Variants in LRRTM4 observed in about 807,000 individuals in gnomAD.
The protein encoded by LRRTM4 is leucine rich repeat transmembrane neuronal 4.
In LRRTM4, 25 loss-of-function variants were observed where a neutral mutation model predicts 47.6. The ratio of observed to expected loss-of-function variants is 0.53; its 90% confidence interval spans 0.38 to 0.73. LRRTM4 has a LOEUF of 0.73. LRRTM4 is among the 30% of genes least tolerant of loss of function. The pLI is 0.00. For missense variants in LRRTM4, 638 were observed against 713.4 expected (o/e 0.89, Z 1.20); for synonymous variants, 311 against 269.5 (o/e 1.15, Z -1.51).
chr2:77,348,811 GA>G (rs1319908351), intron 3 of LRRTM4, among the ~76,000 whole-genome samples: 6 of 150,252 alleles, frequency 4.0e-5, no homozygotes, highest in African/African-American at 1.5e-4. Flanking sequence ...TATTCAAGCA[GA>G]ACTCATTATT....
In LRRTM4 at chr2:77,261,363, C is replaced by T. The variant is rs1193555838; in HGVS notation, c.1551+256955G>A. Reference sequence around the variant, plus strand: ...GGCTGTGAAGAAAAGTGGCATTAGACATTTCTGGACAAGGGCAGTGAAAAG... The same window carrying T: ...GGCTGTGAAGAAAAGTGGCATTAGATATTTCTGGACAAGGGCAGTGAAAAG... On this transcript the variant is annotated intron_variant, in intron 3 of 3. Transcript: ENST00000409884. 5.9e-5 allele frequency among the ~76,000 whole-genome samples: 9 copies of T among 152,172 alleles called. 1 individual carries two copies. Among genetic ancestry groups the T allele is most frequent in the Admixed American group, 2.0e-4 (3 of 15,260 alleles).
chr2:77,316,524 A>C (rs1677622624), intron 3 of LRRTM4, among the ~76,000 whole-genome samples: 1 of 151,688 alleles, frequency 6.6e-6, no homozygotes, highest in Admixed American at 6.6e-5. Flanking sequence ...ACCAGGGCTG[A>C]AAATATAATG....
At position 77,277,186 on chromosome 2, in the gene LRRTM4, A is replaced by G. The variant is rs772060830; in HGVS notation, c.1551+241132T>C. Among the ~76,000 whole-genome samples, 15 of 152,178 alleles carry G rather than the reference A, an allele frequency of 9.9e-5. 1 individual carries two copies. The South Asian group carries it at 2.7e-3, about 27-fold the overall frequency. On this transcript the variant is annotated intron_variant, in intron 3 of 3. Transcript: ENST00000409884. ...CTTTTCACTCTTTGGAAACAGTTAC[A>G]TGCAAAACCAATTACAGATAGTTAT...
intron 3 of LRRTM4, among the ~76,000 whole-genome samples, chr2:76,956,542 C>A (rs1346008288): frequency 6.6e-6 from 1 of 150,868 alleles, no homozygotes; most frequent in African/African-American, 2.4e-5. Flanking sequence ...TAACTTTATA[C>A]CTCAAAGAAC....
intron 3 of LRRTM4, among the ~76,000 whole-genome samples, chr2:77,022,004 T>TG (rs1678292888): frequency 6.6e-6 from 1 of 152,254 alleles, no homozygotes; most frequent in Middle Eastern, 3.4e-3. Context: ...CAAGACCACC[T>TG]GTATGAGTCC....
intron 3 of LRRTM4, among the ~76,000 whole-genome samples, chr2:77,019,604 C>T (rs1258191242): frequency 6.6e-6 from 1 of 152,058 alleles, no homozygotes; most frequent in Non-Finnish European, 1.5e-5. Context: ...AAATGGTTAG[C>T]TTGTATTATT....
At chr2:76,969,581 G>A (rs929903040) in intron 3 of LRRTM4, among the ~76,000 whole-genome samples, 6 of 151,736 alleles carry the variant, frequency 4.0e-5, no homozygotes, top group African/African-American at 1.5e-4. Flanking sequence ...TCAATCTAAT[G>A]CATGCTGAAC....
chr2:77,362,166 A>AAGGAAGGAAGG (rs1558707453), intron 3 of LRRTM4, among the ~76,000 whole-genome samples: 3 of 110,374 alleles, frequency 2.7e-5, no homozygotes, highest in African/African-American at 1.4e-4. Context: ...AGAAAGAAAG[A>AAGGAAGGAAGG]AAGAAAGGAA....
chr2:76,919,109 A>G (rs1674348279), intron 3 of LRRTM4, among the ~76,000 whole-genome samples: 1 of 152,202 alleles, frequency 6.6e-6, no homozygotes, highest in Non-Finnish European at 1.5e-5. Flanking sequence ...GAGAATATGT[A>G]TGGCACACAA....
chr2:76,765,235 GT>G (rs1673411575), intron 3 of LRRTM4, among the ~76,000 whole-genome samples: 1 of 152,162 alleles, frequency 6.6e-6, no homozygotes, highest in Non-Finnish European at 1.5e-5. Flanking sequence ...AATTTGTGTA[GT>G]TTCTCAGTTC....
chr2:76,906,147 C>G (rs1673830183), intron 3 of LRRTM4, among the ~76,000 whole-genome samples: 1 of 152,202 alleles, frequency 6.6e-6, no homozygotes, highest in Non-Finnish European at 1.5e-5. Context: ...CAGCTGATCT[C>G]TCAGCAGAAA....
intron 3 of LRRTM4, among the ~76,000 whole-genome samples, chr2:76,996,957 G>A (rs751338728): frequency 2.0e-5 from 3 of 152,076 alleles, no homozygotes; most frequent in Non-Finnish European, 4.4e-5. Context: ...ATCAAGCCTG[G>A]CAAATACCTA....
intron 3 of LRRTM4, among the ~76,000 whole-genome samples, chr2:76,968,109 T>C (rs142402622): frequency 1.1e-3 from 161 of 151,408 alleles, no homozygotes; most frequent in African/African-American, 3.8e-3. Flanking sequence ...CTATCTGTGA[T>C]TAACATTTTG....
At chr2:77,491,307 G>T (rs1678152909) in intron 3 of LRRTM4, among the ~76,000 whole-genome samples, 1 of 151,808 alleles carries the variant, frequency 6.6e-6, no homozygotes, top group African/African-American at 2.4e-5. Flanking sequence ...GAAGGTATAT[G>T]AAAGCCAAAT....
At chr2:76,893,626 C>T (rs536974580) in intron 3 of LRRTM4, among the ~76,000 whole-genome samples, 2 of 151,468 alleles carry the variant, frequency 1.3e-5, no homozygotes, top group East Asian at 3.9e-4. Flanking sequence ...TTCCAAGAAT[C>T]TAATGAAAAC....
In LRRTM4 at chr2:76,756,164, A is replaced by T. The variant is rs113635003; in HGVS notation, c.1552-7248T>A. On this transcript the variant is annotated intron_variant, in intron 3 of 3. Coordinates refer to ENST00000409884, the MANE Select transcript of LRRTM4 (RefSeq NM_001134745.3). ...GACTCTAGCACAGTATCACATGATA[A>T]TTGGTAGACTTCTTTATCTTAACTT... Among the ~76,000 whole-genome samples the T allele has an allele frequency of 3.9e-3, 598 of 152,274 alleles. 1 individual carries two copies. Among genetic ancestry groups the T allele is most frequent in the African/African-American group, 0.013 (530 of 41,558 alleles).
intron 3 of LRRTM4, among the ~76,000 whole-genome samples, chr2:76,961,149 T>C (rs1482061758): frequency 1.3e-5 from 2 of 151,506 alleles, no homozygotes; most frequent in South Asian, 2.1e-4. Context: ...TAGCATAATA[T>C]ACAGGCTTTC....
intron 3 of LRRTM4, among the ~76,000 whole-genome samples, chr2:77,252,282 C>T (rs756557688): frequency 1.2e-4 from 19 of 152,124 alleles, no homozygotes; most frequent in African/African-American, 4.6e-4. Context: ...GTATAGGGAT[C>T]CTGCATTGGC....
chr2:77,071,348 C>T (rs548810853), intron 3 of LRRTM4, among the ~76,000 whole-genome samples: 15 of 152,038 alleles, frequency 9.9e-5, no homozygotes, highest in Non-Finnish European at 1.6e-4. Context: ...TATCCAGAGA[C>T]CTTCACATGC....
Sources: allele counts gnomAD v4.1 joint callset (sites outside exome capture counted in the v4.1 genomes callset), GRCh38; gene constraint gnomAD v4.1.1; transcripts MANE v1.5; gene names NCBI Gene and HGNC (gene_info 2026-07-23, HGNC 2026-07-21).